CDC40: variants seen among roughly 807,000 people sequenced by gnomAD.
CDC40 encodes pre-mRNA-processing factor 17.
Under a neutral mutation model 80.6 loss-of-function variants are expected in CDC40, and 27 were observed. That is an observed-to-expected ratio of 0.33 (90% CI 0.25 to 0.46). The LOEUF is 0.46. Among genes scored for constraint, CDC40 ranks in the 20% least tolerant of loss-of-function variants. The pLI, the probability that CDC40 is intolerant of heterozygous loss-of-function variation, is 1.00. For missense variants in CDC40, 486 were observed against 694.1 expected (o/e 0.70, Z 3.37); for synonymous variants, 221 against 232.6 (o/e 0.95, Z 0.45).
chr6:110,212,703 A>AT (rs1217095818), intron 7 of CDC40, among the ~76,000 whole-genome samples: 1 of 152,206 alleles, frequency 6.6e-6, no homozygotes, highest in Non-Finnish European at 1.5e-5. Context: ...TTTTAAACTA[A>AT]TGCAGAGATA....
chr6:110,226,326 T>TC (rs746881910), intron 13 of CDC40, 83 bp downstream of exon 13: 77 of 798,948 alleles, frequency 9.6e-5, no homozygotes, highest in Non-Finnish European at 1.4e-4. Context: ...TTTGGCCCCT[T>TC]CCTTCTTGGG....
At chr6:110,219,553 C>A in intron 11 of CDC40, 74 bp downstream of exon 11, 1 of 1,084,874 alleles carries the variant, frequency 9.2e-7, no homozygotes, top group Non-Finnish European at 1.4e-6. Flanking sequence ...AGTTAATAAG[C>A]TAATATTACT....
intron 12 of CDC40, among the ~76,000 whole-genome samples, chr6:110,221,929 T>C (rs1213729893): frequency 2.0e-5 from 3 of 151,822 alleles, no homozygotes; most frequent in Non-Finnish European, 2.9e-5. Context: ...GTCATGATAC[T>C]GTTTTGTTAC....
intron 1 of CDC40, among the ~76,000 whole-genome samples, chr6:110,190,155 A>AT (rs34607416): frequency 6.6e-6 from 1 of 152,290 alleles, no homozygotes; most frequent in African/African-American, 2.4e-5. Context: ...AGAGTACAGC[A>AT]TTTTTTTAGG....
At chr6:110,186,071 CTGT>C (rs754184147) in intron 1 of CDC40, among the ~76,000 whole-genome samples, 2 of 152,144 alleles carry the variant, frequency 1.3e-5, no homozygotes, top group African/African-American at 2.4e-5. Context: ...CCTACTTTAG[CTGT>C]TGTTGTCTGG....
At chr6:110,228,238 G>A (rs1584086988) in intron 13 of CDC40, among the ~76,000 whole-genome samples, 4 of 152,162 alleles carry the variant, frequency 2.6e-5, no homozygotes, top group Admixed American at 2.6e-4. Context: ...ACTGTCATAC[G>A]TGCGGTCCAT....
At chr6:110,200,568 A>C (rs1777482186) in intron 2 of CDC40, among the ~76,000 whole-genome samples, 1 of 152,204 alleles carries the variant, frequency 6.6e-6, no homozygotes, top group African/African-American at 2.4e-5. Flanking sequence ...AATAGTATTA[A>C]ATTAATAGCA....
intron 2 of CDC40, among the ~76,000 whole-genome samples, chr6:110,199,366 C>A (rs149885076): frequency 6.6e-6 from 1 of 151,370 alleles, no homozygotes; most frequent in Non-Finnish European, 1.5e-5. Context: ...GAGGCAGAGG[C>A]GGGCGGATAC....
chr6:110,229,885 C>T, intron 14 of CDC40, 69 bp from the exon 15 acceptor site: 1 of 978,994 alleles, frequency 1.0e-6, no homozygotes, highest in South Asian at 1.4e-5. Flanking sequence ...GATAACGTCC[C>T]TATTCCTCAT....
chr6:110,204,469 G>A (rs995326501), intron 3 of CDC40, among the ~76,000 whole-genome samples: 1 of 152,136 alleles, frequency 6.6e-6, no homozygotes, highest in African/African-American at 2.4e-5. Context: ...TTAAAACATG[G>A]TAGTGAATAT....
At chr6:110,195,770 C>A (rs1777411221) in intron 2 of CDC40, among the ~76,000 whole-genome samples, 1 of 152,020 alleles carries the variant, frequency 6.6e-6, no homozygotes, top group South Asian at 2.1e-4. Context: ...ATCTAAAGAA[C>A]AGGAATGCCC....
At chr6:110,227,760 A>T (rs1777884653) in intron 13 of CDC40, among the ~76,000 whole-genome samples, 3 of 152,244 alleles carry the variant, frequency 2.0e-5, no homozygotes, top group Admixed American at 6.5e-5. Context: ...AGGCATTATA[A>T]GTAATCGAGA....
intron 2 of CDC40, 29 bp from the exon 3 acceptor site, chr6:110,201,529 A>G: frequency 6.5e-7 from 1 of 1,533,656 alleles, no homozygotes; most frequent in Non-Finnish European, 8.8e-7. Context: ...TTCTTATTTT[A>G]TTTTATTTTT....
At chr6:110,226,887 G>T (rs191089406) in intron 13 of CDC40, among the ~76,000 whole-genome samples, 20 of 152,150 alleles carry the variant, frequency 1.3e-4, no homozygotes, top group Admixed American at 1.2e-3. Flanking sequence ...TGGCATGGTG[G>T]TGCACATTTG....
chr6:110,223,241 C>T (rs763725731), intron 12 of CDC40, among the ~76,000 whole-genome samples: 11 of 152,064 alleles, frequency 7.2e-5, no homozygotes, highest in Admixed American at 2.0e-4. Flanking sequence ...CGTGCCACCA[C>T]GCCTGGCTAA....
At position 110,213,091 on chromosome 6, in the gene CDC40, C is replaced by T. The variant is rs777647696; in HGVS notation, c.873C>T (p.Val291=). Reference sequence around the variant, plus strand: ...ACTGTAATACCTTTTTATAGGGCGTCAGTGCAGTCAGATTGTTTCCTCTCT... The same window carrying T: ...ACTGTAATACCTTTTTATAGGGCGTTAGTGCAGTCAGATTGTTTCCTCTCT... ...IHVWSGHTKG[V]SAVRLFPLSG... The change falls in exon 8 of 15, where the codon GTC becomes GTT. Residue 291 remains valine (V), a synonymous_variant. Transcript: ENST00000307731. 19 of 1,602,060 alleles carry T rather than the reference C, an allele frequency of 1.2e-5. No homozygotes were observed. Among genetic ancestry groups the T allele is most frequent in the Non-Finnish European group, 1.4e-5 (16 of 1,169,088 alleles).
Position 110,231,754 on chromosome 6 carries a change from G to A in CDC40, c.*1623G>A, listed in dbSNP as rs1777941688. 1 of 150,628 alleles carries A rather than the reference G, an allele frequency of 6.6e-6. No homozygotes were observed. The allele number at this position is 150,628 out of a possible 1,614,324, so 9.3% of individuals were successfully genotyped here. A position where few individuals can be genotyped will look rare whatever the true frequency, so the allele number is the denominator to read the frequency against. On this transcript the variant is annotated 3_prime_UTR_variant, in exon 15 of 15. Transcript: ENST00000307731. ...GAGGTCATAGCAGTGTATGCTCCTT[G>A]CCCTTACGGAGTGTCTGTTTTTAGA...
intron 3 of CDC40, among the ~76,000 whole-genome samples, chr6:110,204,276 T>G (rs1035805300): frequency 6.6e-6 from 1 of 152,144 alleles, no homozygotes; most frequent in Non-Finnish European, 1.5e-5. Context: ...CCTCCCAAAG[T>G]GCTGGGATTA....
intron 7 of CDC40, 131 bp downstream of exon 7, chr6:110,212,403 G>A: frequency 1.2e-6 from 1 of 862,220 alleles, no homozygotes; most frequent in Non-Finnish European, 1.8e-6. Context: ...ATGTAAGCCT[G>A]AGTTATGCTT....
Sources: gnomAD v4.1 joint callset for allele counts (sites outside exome capture counted in the v4.1 genomes callset) on GRCh38, gnomAD v4.1.1 for gene constraint, MANE v1.5 for transcripts, NCBI Gene and HGNC (gene_info 2026-07-23, HGNC 2026-07-21) for gene names.